CPNE4: variants seen among roughly 807,000 people sequenced by gnomAD.
CPNE4 encodes the protein copine-4.
CPNE4 carries 25 observed loss-of-function variants against 67.9 expected under a neutral mutation model. The observed-to-expected ratio is 0.37, with a 90% CI of 0.27 to 0.51. The LOEUF is 0.51. Ranked by LOEUF, CPNE4 falls within the 20% of genes least tolerant of loss-of-function variation. The pLI, the probability that CPNE4 is intolerant of heterozygous loss-of-function variation, is 0.93. For missense variants in CPNE4, 464 were observed against 690.8 expected (o/e 0.67, Z 3.68); for synonymous variants, 242 against 244.9 (o/e 0.99, Z 0.11).
At chr3:132,012,821 T>C (rs969470597) in intron 1 of CPNE4, among the ~76,000 whole-genome samples, 9 of 152,194 alleles carry the variant, frequency 5.9e-5, no homozygotes, top group Non-Finnish European at 5.9e-5. Context: ...ACTATGACAT[T>C]AATAAACCAA....
chr3:131,676,029 C>CTATTAT (rs34007329), intron 6 of CPNE4, among the ~76,000 whole-genome samples: 6,375 of 138,394 alleles, frequency 0.046, 172 homozygotes, highest in Middle Eastern at 0.11. Flanking sequence ...ATGTTATAAC[C>CTATTAT]TATTATTATT....
At chr3:131,613,020 A>G (rs1939939318) in intron 7 of CPNE4, among the ~76,000 whole-genome samples, 1 of 152,296 alleles carries the variant, frequency 6.6e-6, no homozygotes, top group South Asian at 2.1e-4. Flanking sequence ...TCTCTGTGTT[A>G]TCTTCTGTCT....
At position 131,953,039 on chromosome 3, in the gene CPNE4, G is replaced by A. The variant is rs545205708; in HGVS notation, c.-1-47595C>T. Among the ~76,000 whole-genome samples the A allele has an allele frequency of 3.8e-4, 57 of 151,956 alleles. 1 individual carries two copies. In the South Asian group the frequency reaches 0.011, roughly 29 times the overall value. On this transcript the variant is annotated intron_variant, in intron 1 of 15. Transcript: ENST00000429747. Reference sequence around the variant, plus strand: ...GTGCTTTGTTAAACAGATGCTTGAAGGCAGCATGCTCGTTAAGAGTCATCA... The same window carrying A: ...GTGCTTTGTTAAACAGATGCTTGAAAGCAGCATGCTCGTTAAGAGTCATCA...
chr3:131,928,282 A>G (rs1056963652), intron 1 of CPNE4, among the ~76,000 whole-genome samples: 1 of 151,224 alleles, frequency 6.6e-6, no homozygotes, highest in African/African-American at 2.4e-5. Context: ...GAATTACAGT[A>G]CAGGTTATCT....
intron 3 of CPNE4, among the ~76,000 whole-genome samples, chr3:131,707,009 T>G (rs2081430031): frequency 6.6e-6 from 1 of 152,238 alleles, no homozygotes; most frequent in South Asian, 2.1e-4. Flanking sequence ...GGGCTCATGT[T>G]CTCAGGTTTT....
chr3:131,858,588 A>G (rs1452400484), intron 2 of CPNE4, among the ~76,000 whole-genome samples: 1 of 152,162 alleles, frequency 6.6e-6, no homozygotes, highest in Non-Finnish European at 1.5e-5. Context: ...TAAAACTTTT[A>G]TAAAAACTTT....
At chr3:131,755,995 A>G (rs1283824703) in intron 2 of CPNE4, among the ~76,000 whole-genome samples, 1 of 152,118 alleles carries the variant, frequency 6.6e-6, no homozygotes, top group Non-Finnish European at 1.5e-5. Context: ...ATTTCTCCTG[A>G]TCCATTTATT....
rs529184574 is a variant in CPNE4, at chr3:131,595,268, A to G, written c.682-7686T>C. Among the ~76,000 whole-genome samples the G allele has an allele frequency of 3.3e-5, 5 of 152,386 alleles. No individual in the cohort carries two copies. In the South Asian group the frequency reaches 6.2e-4, roughly 19 times the overall value. On this transcript the variant is annotated intron_variant, in intron 7 of 15. Coordinates refer to ENST00000429747, the MANE Select transcript of CPNE4 (RefSeq NM_130808.3). ...TCTTGAACAGGATGTCTGCACTCTC[A>G]GGTTCATTGCAGCATTGTTCACAAT...
chr3:131,986,843 C>CAA (rs373656375), intron 1 of CPNE4, among the ~76,000 whole-genome samples: 33 of 92,134 alleles, frequency 3.6e-4, no homozygotes, highest in African/African-American at 1.1e-3. Context: ...AAAAAAAAAA[C>CAA]AAAAAAAAAC....
At chr3:131,664,057 T>C (rs1196976061) in intron 7 of CPNE4, among the ~76,000 whole-genome samples, 3 of 152,128 alleles carry the variant, frequency 2.0e-5, no homozygotes, top group African/African-American at 4.8e-5. Flanking sequence ...TTGATGAACT[T>C]TGTGTAGGGG....
At chr3:131,859,304 A>G (rs2086580791) in intron 2 of CPNE4, among the ~76,000 whole-genome samples, 1 of 152,082 alleles carries the variant, frequency 6.6e-6, no homozygotes, top group South Asian at 2.1e-4. Flanking sequence ...GCCAGCCACA[A>G]ATCCTGGCTG....
At chr3:131,857,257 T>C (rs1252290419) in intron 2 of CPNE4, among the ~76,000 whole-genome samples, 2 of 152,114 alleles carry the variant, frequency 1.3e-5, no homozygotes, top group Non-Finnish European at 2.9e-5. Flanking sequence ...GCGTATCATA[T>C]ATTTTTAGCA....
rs747986354 is a variant in CPNE4, at chr3:131,669,722, C to T, written c.634G>A (p.Val212Ile). 3 of 1,613,878 alleles carry T rather than the reference C, an allele frequency of 1.9e-6. No individual in the cohort carries two copies. Among genetic ancestry groups the T allele is most frequent in the Non-Finnish European group, 2.5e-6 (3 of 1,179,848 alleles). The change falls in exon 7 of 16, where the codon GTA (valine) becomes ATA (isoleucine). Residue 212 changes from valine to isoleucine, a missense_variant. By Grantham distance (29) the Val-to-Ile change is conservative. Coordinates refer to ENST00000429747, the MANE Select transcript of CPNE4 (RefSeq NM_130808.3). ...CCGCTGCATAGAGAATTTACAGATA[C>T]TTTGAATGATTTCCAGGCTGGGCTT... ...NLSPAWKSFK[V>I]SVNSLCSGDP...
intron 2 of CPNE4, among the ~76,000 whole-genome samples, chr3:131,798,143 A>G (rs930087040): frequency 8.5e-5 from 13 of 152,072 alleles, no homozygotes; most frequent in African/African-American, 3.1e-4. Flanking sequence ...TTCAAATACC[A>G]TCACTTTGGG....
chr3:131,576,375 G>A (rs183995124), intron 9 of CPNE4, among the ~76,000 whole-genome samples: 318 of 152,182 alleles, frequency 2.1e-3, no homozygotes, highest in South Asian at 4.1e-3. Flanking sequence ...CAGTGCTTCT[G>A]AGCACTGAAC....
chr3:131,944,762 T>C (rs2071501571), intron 1 of CPNE4, among the ~76,000 whole-genome samples: 1 of 149,556 alleles, frequency 6.7e-6, no homozygotes, highest in Admixed American at 6.7e-5. Context: ...GATGAATATT[T>C]CAGTGCTGGA....
At chr3:131,742,035 A>C (rs1311312859) in intron 2 of CPNE4, among the ~76,000 whole-genome samples, 1 of 152,182 alleles carries the variant, frequency 6.6e-6, no homozygotes, top group East Asian at 1.9e-4. Flanking sequence ...CCATCTTGCA[A>C]CTGTGAGGGG....
intron 2 of CPNE4, among the ~76,000 whole-genome samples, chr3:131,886,063 A>G (rs6789443): frequency 0.67 from 102,084 of 152,002 alleles, 34,659 homozygotes; most frequent in African/African-American, 0.75. Context: ...TGTCTCCAGG[A>G]CATGTCAGAG....
rs2087752046 is a variant in CPNE4 at position 131,883,276 on chromosome 3, C to T, written c.180+21988G>A. ...ACAACCTGCCCCTCCCCCAGTGTTA[C>T]CCATCATCATTCACCCAATTGCTCA... On this transcript the variant is annotated intron_variant, in intron 2 of 15. Coordinates refer to ENST00000429747, the MANE Select transcript of CPNE4 (RefSeq NM_130808.3). Among the ~76,000 whole-genome samples, 4 of 152,140 alleles carry T rather than the reference C, an allele frequency of 2.6e-5. No homozygotes were observed. The South Asian group carries it at 6.2e-4, about 24-fold the overall frequency.
Sources: gnomAD v4.1 joint callset for allele counts (sites outside exome capture counted in the v4.1 genomes callset) on GRCh38, gnomAD v4.1.1 for gene constraint, MANE v1.5 for transcripts, NCBI Gene and HGNC (gene_info 2026-07-23, HGNC 2026-07-21) for gene names.